The following CCDC150 variants were observed in gnomAD, a reference collection of about 807,000 sequenced individuals.
The protein encoded by CCDC150 is coiled-coil domain-containing protein 150.
CCDC150 carries 151 observed loss-of-function variants against 156.5 expected under a neutral mutation model. The observed-to-expected ratio is 0.97, with a 90% CI of 0.85 to 1.10. The LOEUF (loss-of-function observed/expected upper bound fraction) is 1.10, where lower values mean the gene tolerates loss of function less well. Ranked by LOEUF, CCDC150 falls within the 50% of genes least tolerant of loss-of-function variation. The pLI is 0.00. For synonymous variants in CCDC150, 452 were observed against 429.4 expected, an observed-to-expected ratio of 1.05 and a Z score of -0.65; for missense variants, 1,312 against 1,268.1, an observed-to-expected ratio of 1.03 and a Z score of -0.53.
At position 196,726,081 on chromosome 2, in the gene CCDC150, A is replaced by G; in HGVS notation, c.2538A>G (p.Ala846=). The change falls in exon 22 of 28, where the codon GCA becomes GCG. Residue 846 remains alanine (A), a synonymous_variant. Transcript: ENST00000389175. ...AGAGAGAAACTACAAAGAAAGTGGC[A>G]CAACGGGAAGTGGCTGAGGTATAGT... is the stretch of plus-strand genomic sequence containing the variant. The part of the protein sequence containing the change: ...QTERETTKKV[A]QREVAELKKA... The G allele has an allele frequency of 6.2e-7, 1 of 1,613,314 alleles. No individual in the cohort carries two copies. The highest frequency in any genetic ancestry group is 1.7e-5 in the Admixed American group (1 of 59,990).
chr2:196,646,300 TA>T, intron 1 of CCDC150, 40 bp from the exon 2 acceptor site: 1 of 1,585,002 alleles, frequency 6.3e-7, no homozygotes, highest in Non-Finnish European at 8.7e-7. Flanking sequence ...TTTTGAACAA[TA>T]ATAGGACCTA....
chr2:196,713,162 A>G (rs1381068706), intron 17 of CCDC150: 2 of 823,266 alleles, frequency 2.4e-6, no homozygotes, highest in East Asian at 3.0e-5. Context: ...GGAAGTTGGC[A>G]TAAGGTCTGT....
intron 15 of CCDC150, among the ~76,000 whole-genome samples, chr2:196,705,461 G>A (rs1184495620): frequency 6.6e-6 from 1 of 152,174 alleles, no homozygotes; most frequent in Non-Finnish European, 1.5e-5. Context: ...TTTGTCAGAT[G>A]GGTAGATTGC....
intron 5 of CCDC150, among the ~76,000 whole-genome samples, chr2:196,663,697 A>G (rs1485284950): frequency 1.3e-5 from 2 of 152,152 alleles, no homozygotes; most frequent in African/African-American, 4.8e-5. Flanking sequence ...AAAATGAGCA[A>G]TCTTGTAACA....
In CCDC150 at chr2:196,694,246, A is replaced by AG. The variant is rs567838527; in HGVS notation, c.1510-798dup. 9.2e-5 allele frequency among the ~76,000 whole-genome samples: 14 copies of AG among 151,962 alleles called. No individual in the cohort carries two copies. In the East Asian group the frequency reaches 1.6e-3, roughly 17 times the overall value. On this transcript the variant is annotated intron_variant, in intron 13 of 27. Transcript: ENST00000389175. ...TAATTTTGCATTTTTAGTAGCAATGAGGTTTCTCCATGTTGGTCAGGCTGG... is the reference window on the plus strand; with the variant it reads ...TAATTTTGCATTTTTAGTAGCAATGAGGGTTTCTCCATGTTGGTCAGGCTGG...
chr2:196,693,658 A>G (rs1695625014), intron 13 of CCDC150, among the ~76,000 whole-genome samples: 1 of 152,128 alleles, frequency 6.6e-6, no homozygotes, highest in Non-Finnish European at 1.5e-5. Context: ...TTATCGCACC[A>G]GCTATGGCCT....
At chr2:196,659,987 A>C (rs528648409) in intron 5 of CCDC150, among the ~76,000 whole-genome samples, 1 of 152,004 alleles carries the variant, frequency 6.6e-6, no homozygotes, top group Admixed American at 6.6e-5. Flanking sequence ...ATCCTTCCTC[A>C]TGTCTTCCCC....
At chr2:196,676,110 G>A in intron 10 of CCDC150, 33 bp from the exon 11 acceptor site, 1 of 1,610,748 alleles carries the variant, frequency 6.2e-7, no homozygotes, top group Non-Finnish European at 8.5e-7. Flanking sequence ...ACTTTGTGGA[G>A]CTTCAACTTC....
At chr2:196,646,579 A>C in intron 2 of CCDC150, 75 bp downstream of exon 2, 3 of 1,068,536 alleles carry the variant, frequency 2.8e-6, no homozygotes, top group Non-Finnish European at 4.3e-6. Flanking sequence ...GTAGTTTGGC[A>C]GATGAGATGG....
In CCDC150 at chr2:196,676,558, C is replaced by A; in HGVS notation, c.1267C>A (p.His423Asn). The A allele has an allele frequency of 2.5e-6, 4 of 1,610,960 alleles. No individual in the cohort carries two copies. The highest frequency in any genetic ancestry group is 2.2e-5 in the South Asian group (2 of 90,446). Residue 423 changes from histidine (H) to asparagine (N), a missense_variant, in exon 12 of 28, where the codon CAT becomes AAT. Coordinates refer to ENST00000389175, the MANE Select transcript of CCDC150 (RefSeq NM_001080539.2). ...EKTQLQAHLD[H>N]LILEHNQCIQ... Reference sequence around the variant, plus strand: ...GTTCTTGATCTCTTCCTGCAGGGATCATTTAATCCTTGAGCATAACCAGTG... The same window carrying A: ...GTTCTTGATCTCTTCCTGCAGGGATAATTTAATCCTTGAGCATAACCAGTG...
chr2:196,674,110 T>C (rs1307013328), intron 9 of CCDC150, 131 bp from the exon 10 acceptor site: 1 of 554,572 alleles, frequency 1.8e-6, no homozygotes, highest in Non-Finnish European at 3.1e-6. Context: ...GACATGTGAA[T>C]TGAGGATAGG....
intron 1 of CCDC150, among the ~76,000 whole-genome samples, chr2:196,645,874 G>A (rs192196654): frequency 6.0e-4 from 92 of 152,304 alleles, no homozygotes; most frequent in African/African-American, 2.1e-3. Flanking sequence ...TGGTAATAAT[G>A]TTATGATGAA....
intron 11 of CCDC150, 92 bp downstream of exon 11, chr2:196,676,359 A>G: frequency 6.7e-7 from 1 of 1,496,784 alleles, no homozygotes; most frequent in South Asian, 1.3e-5. Context: ...CGTCAATGAA[A>G]ACATTTGATT....
At chr2:196,680,587 G>A (rs934969026) in intron 13 of CCDC150, among the ~76,000 whole-genome samples, 1 of 152,196 alleles carries the variant, frequency 6.6e-6, no homozygotes, top group Non-Finnish European at 1.5e-5. Context: ...TTACAGGCGT[G>A]AGCCACCATG....
chr2:196,730,083 C>A lies in CCDC150; in HGVS notation c.2947C>A (p.Arg983=). Residue 983 remains arginine, a synonymous_variant, in exon 25 of 28, where the codon CGG becomes AGG. Coordinates refer to ENST00000389175, the MANE Select transcript of CCDC150 (RefSeq NM_001080539.2). Reference sequence around the variant, plus strand: ...GCAAGAGCTGCACCTAGAAGCAGAGCGGAAAATAAGGCAGGAGCTAGAGAA... The same window carrying A: ...GCAAGAGCTGCACCTAGAAGCAGAGAGGAAAATAAGGCAGGAGCTAGAGAA... ...KQQELHLEAE[R]KIRQELENRC... is the part of the protein sequence containing the mutation. 6.2e-7 allele frequency: 1 copy of A among 1,611,352 alleles called. No individual in the cohort carries two copies. Among genetic ancestry groups the A allele is most frequent in the Non-Finnish European group, 8.5e-7 (1 of 1,178,980 alleles).
chr2:196,716,809 C>G (rs757346939), intron 17 of CCDC150, among the ~76,000 whole-genome samples: 5 of 149,876 alleles, frequency 3.3e-5, no homozygotes, highest in Non-Finnish European at 7.4e-5. Flanking sequence ...TCATATATTA[C>G]CTATTCAAAA....
Position 196,729,890 on chromosome 2 carries a change from A to T in CCDC150, c.2820+29A>T, listed in dbSNP as rs1325047915. ...GATGATTTCCATATACTCTGTGTTT[A>T]CCTTTCATGCAAAATCTCAAACTTG... On this transcript the variant is annotated intron_variant, in intron 24 of 27. Coordinates refer to ENST00000389175, the MANE Select transcript of CCDC150 (RefSeq NM_001080539.2). 3 of 1,603,294 alleles carry T rather than the reference A, an allele frequency of 1.9e-6. No individual in the cohort carries two copies. In the South Asian group the frequency reaches 3.4e-5, roughly 18 times the overall value.
In CCDC150 at chr2:196,721,568, G is replaced by A. The variant is rs756203599; in HGVS notation, c.2306G>A (p.Arg769Lys). 3.1e-6 allele frequency: 5 copies of A among 1,608,362 alleles called. No homozygotes were observed. The highest frequency in any genetic ancestry group is 4.2e-6 in the Non-Finnish European group (5 of 1,177,782). The change falls in exon 21 of 28, where the codon AGG (arginine) becomes AAG (lysine). Residue 769 changes from arginine (R) to lysine (K), a missense_variant. Arg to Lys is a conservative substitution (Grantham distance 26). Transcript: ENST00000389175. Reference protein sequence around the residue: ...KALGVAREDNRKLAMSLEQAL... With the variant: ...KALGVAREDNKKLAMSLEQAL... ...CTAGGTGTAGCTAGAGAAGACAACA[G>A]GAAACTTGCTATGAGTCTGGAACAA...
At chr2:196,695,283 A>G (rs998102466) in intron 14 of CCDC150, 124 bp downstream of exon 14, 8 of 529,108 alleles carry the variant, frequency 1.5e-5, no homozygotes, top group Non-Finnish European at 2.4e-5. Context: ...CTAAGCAGAG[A>G]TTCTTACAGT....
Sources: allele counts gnomAD v4.1 joint callset (sites outside exome capture counted in the v4.1 genomes callset), GRCh38; gene constraint gnomAD v4.1.1; transcripts MANE v1.5; gene names NCBI Gene and HGNC (gene_info 2026-07-23, HGNC 2026-07-21).